TANGO6: variants seen among roughly 807,000 people sequenced by gnomAD.
The protein encoded by TANGO6 is transport and Golgi organization protein 6 homolog.
In TANGO6, 90 loss-of-function variants were observed where a neutral mutation model predicts 114.2. That is an observed-to-expected ratio of 0.79 (90% CI 0.66 to 0.94). The LOEUF (loss-of-function observed/expected upper bound fraction) is 0.94. Among genes scored for constraint, TANGO6 ranks in the 40% least tolerant of loss-of-function variants. The probability of loss-of-function intolerance (pLI) is 0.00; values close to 1 mark genes in which losing one functional copy is unlikely to be tolerated. For synonymous variants in TANGO6, 477 were observed against 509.8 expected (o/e 0.94, Z 0.87); for missense variants, 1,274 against 1,315.3 (o/e 0.97, Z 0.49).
chr16:68,957,810 A>G (rs903883199), intron 14 of TANGO6, among the ~76,000 whole-genome samples: 1 of 152,192 alleles, frequency 6.6e-6, no homozygotes, highest in Non-Finnish European at 1.5e-5. Context: ...GGAATGGGAA[A>G]CAACAATTAT....
chr16:69,042,199 G>A (rs1959783794), intron 17 of TANGO6, among the ~76,000 whole-genome samples: 2 of 152,158 alleles, frequency 1.3e-5, no homozygotes, highest in Admixed American at 6.6e-5. Flanking sequence ...ATGGATATTA[G>A]GGTGGCAACT....
intron 10 of TANGO6, among the ~76,000 whole-genome samples, chr16:68,908,329 G>A (rs1279920567): frequency 6.6e-6 from 1 of 152,018 alleles, no homozygotes; most frequent in East Asian, 1.9e-4. Flanking sequence ...GTTCACACCC[G>A]TCCCCGTGCC....
intron 15 of TANGO6, among the ~76,000 whole-genome samples, chr16:69,020,099 T>C (rs1306654330): frequency 3.9e-5 from 6 of 152,144 alleles, no homozygotes; most frequent in Non-Finnish European, 8.8e-5. Context: ...ATTATATTTA[T>C]ATATATTTTT....
intron 17 of TANGO6, among the ~76,000 whole-genome samples, chr16:69,074,413 G>A (rs1960341517): frequency 1.3e-5 from 2 of 152,034 alleles, no homozygotes; most frequent in South Asian, 2.1e-4. Context: ...GAGTAAAGTA[G>A]TGAAAGAACA....
intron 14 of TANGO6, among the ~76,000 whole-genome samples, chr16:68,956,165 A>G (rs1963528323): frequency 6.6e-6 from 1 of 152,160 alleles, no homozygotes; most frequent in South Asian, 2.1e-4. Flanking sequence ...AAACAAAACA[A>G]AAAATAAAAA....
At chr16:68,930,332 G>A (rs1367851081) in intron 14 of TANGO6, 37 bp downstream of exon 14, 1 of 1,495,328 alleles carries the variant, frequency 6.7e-7, no homozygotes, top group Admixed American at 2.0e-5. Flanking sequence ...TAAGTATGTG[G>A]ACCAGAGACT....
Position 69,083,571 on chromosome 16 carries a change from C to T in TANGO6, c.3195C>T (p.Ala1065=). 6.2e-7 allele frequency: 1 copy of T among 1,607,750 alleles called. No individual in the cohort carries two copies. The highest frequency in any genetic ancestry group is 8.5e-7 in the Non-Finnish European group (1 of 1,177,170). The change falls in exon 18 of 18, where the codon GCC becomes GCT. Residue 1065 remains alanine (A), a synonymous_variant. Transcript: ENST00000261778. ...LEPDDVAKLH[A]QLALEELDDI... is the part of the protein sequence containing the mutation. ...CCGATGACGTGGCCAAGCTCCATGC[C>T]CAGTTGGCCCTAGAAGAGCTGGATG...
chr16:68,906,728 C>T (rs1339318021), intron 9 of TANGO6, among the ~76,000 whole-genome samples: 1 of 152,058 alleles, frequency 6.6e-6, no homozygotes, highest in African/African-American at 2.4e-5. Flanking sequence ...CAGGTGTGCA[C>T]CACTGTGCCC....
intron 15 of TANGO6, among the ~76,000 whole-genome samples, chr16:69,009,682 G>A (rs1964128074): frequency 6.6e-6 from 1 of 152,056 alleles, no homozygotes; most frequent in African/African-American, 2.4e-5. Context: ...TCATGAACAT[G>A]GGATGTCTTT....
At chr16:69,065,577 A>C (rs1283169848) in intron 17 of TANGO6, among the ~76,000 whole-genome samples, 1 of 152,218 alleles carries the variant, frequency 6.6e-6, no homozygotes, top group Non-Finnish European at 1.5e-5. Context: ...AAAGGGTAAA[A>C]GTGCCATTTA....
chr16:68,884,413 G>C (rs1437472714), intron 7 of TANGO6, among the ~76,000 whole-genome samples: 1 of 152,154 alleles, frequency 6.6e-6, no homozygotes, highest in Non-Finnish European at 1.5e-5. Context: ...CTTCTGAAAA[G>C]AGGGGTCTTC....
chr16:69,066,458 C>G (rs1960214913), intron 17 of TANGO6, among the ~76,000 whole-genome samples: 1 of 151,982 alleles, frequency 6.6e-6, no homozygotes, highest in South Asian at 2.1e-4. Context: ...CAATGCCCGG[C>G]TAGTTTTTTT....
chr16:68,978,630 G>A (rs1963788264), intron 15 of TANGO6, among the ~76,000 whole-genome samples: 1 of 152,078 alleles, frequency 6.6e-6, no homozygotes, highest in African/African-American at 2.4e-5. Flanking sequence ...GCTGTGAATA[G>A]CCACTTGGTA....
At chr16:69,052,441 G>T (rs1003922215) in intron 17 of TANGO6, among the ~76,000 whole-genome samples, 3 of 151,646 alleles carry the variant, frequency 2.0e-5, no homozygotes, top group African/African-American at 7.3e-5. Context: ...GCTAATTTTT[G>T]TATTTTTTGT....
intron 14 of TANGO6, 42 bp from the exon 15 acceptor site, chr16:68,973,986 C>G (rs368743351): frequency 1.3e-6 from 2 of 1,562,416 alleles, no homozygotes; most frequent in Admixed American, 3.9e-5. Context: ...GCCTTTTGAT[C>G]GTAAACAGTA....
intron 12 of TANGO6, among the ~76,000 whole-genome samples, chr16:68,921,510 G>A (rs1963092858): frequency 6.6e-6 from 1 of 150,776 alleles, no homozygotes; most frequent in Non-Finnish European, 1.5e-5. Flanking sequence ...ATTCTTATTG[G>A]ATTTAGTTGG....
chr16:68,903,796 C>A (rs1225406091), intron 9 of TANGO6, among the ~76,000 whole-genome samples: 1 of 151,824 alleles, frequency 6.6e-6, no homozygotes, highest in Non-Finnish European at 1.5e-5. Context: ...GTGGCTGGCG[C>A]CTGTAGTCAC....
At chr16:68,979,782 G>A (rs1305148858) in intron 15 of TANGO6, among the ~76,000 whole-genome samples, 1 of 151,734 alleles carries the variant, frequency 6.6e-6, no homozygotes, top group Non-Finnish European at 1.5e-5. Flanking sequence ...GTGTGCATGT[G>A]TGTGTGAGAA....
chr16:68,907,535 A>T lies in TANGO6; in HGVS notation c.1760A>T (p.Glu587Val). Residue 587 changes from glutamate to valine, a missense_variant, in exon 10 of 18, where the codon GAA becomes GTA. This residue lies in a region of TANGO6 where 908 missense variants were observed against 910.2 expected (regional missense o/e 1.00). Coordinates refer to ENST00000261778, the MANE Select transcript of TANGO6 (RefSeq NM_024562.2). ...GGGGACTTGCTGTCCCACTGCCAGGAATGCGGTTTGGCAGGAGACTTCTTC... is the reference window on the plus strand; with the variant it reads ...GGGGACTTGCTGTCCCACTGCCAGGTATGCGGTTTGGCAGGAGACTTCTTC... ...HLGDLLSHCQ[E>V]CGLAGDFFIF... 1 of 1,613,686 alleles carries T rather than the reference A, an allele frequency of 6.2e-7. No individual in the cohort carries two copies. Among genetic ancestry groups the T allele is most frequent in the South Asian group, 1.1e-5 (1 of 91,044 alleles).
Sources: allele counts gnomAD v4.1 joint callset (sites outside exome capture counted in the v4.1 genomes callset), GRCh38; gene constraint gnomAD v4.1.1; regional missense constraint gnomAD v4.1.1; transcripts MANE v1.5; gene names NCBI Gene and HGNC (gene_info 2026-07-23, HGNC 2026-07-21).